DNAJC14: variants seen among roughly 807,000 people sequenced by gnomAD.
DNAJC14 encodes dnaJ homolog subfamily C member 14.
DNAJC14 carries 12 observed loss-of-function variants against 68.8 expected under a neutral mutation model. The observed-to-expected ratio is 0.17, with a 90% CI of 0.11 to 0.28. The LOEUF is 0.28. Ranked by LOEUF, DNAJC14 falls within the 10% of genes least tolerant of loss-of-function variation. The pLI, the probability that DNAJC14 is intolerant of heterozygous loss-of-function variation, is 1.00. For synonymous variants in DNAJC14, 350 were observed against 321.5 expected, an observed-to-expected ratio of 1.09 and a Z score of -0.95; for missense variants, 764 against 875.6, an observed-to-expected ratio of 0.87 and a Z score of 1.61.
At chr12:55,828,773 A>G in intron 1 of DNAJC14, 59 bp from the exon 2 acceptor site, 1 of 1,420,586 alleles carries the variant, frequency 7.0e-7, no homozygotes, top group East Asian at 2.5e-5. Flanking sequence ...GAATTAAACA[A>G]TCTCAAATAG....
chr12:55,822,884 A>T, intron 4 of DNAJC14, 152 bp from the exon 5 acceptor site: 1 of 1,396,844 alleles, frequency 7.2e-7, no homozygotes, highest in Admixed American at 2.3e-5. Context: ...TCCTAAAGCT[A>T]ATGTTTCTTA....
intron 3 of DNAJC14, 81 bp downstream of exon 3, chr12:55,823,321 C>T (rs1249185296): frequency 1.9e-6 from 3 of 1,598,960 alleles, no homozygotes; most frequent in East Asian, 4.5e-5. Context: ...CTCAACAAGC[C>T]TCCACCCCCA....
At chr12:55,825,580 G>A (rs1261218333) in intron 2 of DNAJC14, among the ~76,000 whole-genome samples, 1 of 103,216 alleles carries the variant, frequency 9.7e-6, no homozygotes, top group Non-Finnish European at 1.8e-5. Flanking sequence ...GTCTTGTTCT[G>A]TCGCCCAGGC....
At chr12:55,828,929 TC>T (rs1880884015) in intron 1 of DNAJC14, among the ~76,000 whole-genome samples, 1 of 152,112 alleles carries the variant, frequency 6.6e-6, no homozygotes, top group Non-Finnish European at 1.5e-5. Flanking sequence ...TTTTCTTCTT[TC>T]CCCAGAAAAC....
At chr12:55,829,631 C>T, upstream of DNAJC14, 1 of 983,382 alleles carries the variant, frequency 1.0e-6, no homozygotes, top group Non-Finnish European at 1.2e-6. Context: ...CCTGGGCCTA[C>T]TTCCACTTCC....
chr12:55,826,271 C>CTTTTTTTTTTTTTTT (rs1164806475), intron 2 of DNAJC14, among the ~76,000 whole-genome samples: 1 of 85,798 alleles, frequency 1.2e-5, no homozygotes. Context: ...GGGAAAATAT[C>CTTTTTTTTTTTTTTT]TTTTTTTTTT....
At chr12:55,822,519 G>A (rs761658646) in intron 5 of DNAJC14, 44 bp from the exon 6 acceptor site, 3 of 1,613,812 alleles carry the variant, frequency 1.9e-6, no homozygotes, top group Non-Finnish European at 2.5e-6. Flanking sequence ...GCAGTTTAGA[G>A]CACATAAAAG....
Position 55,829,487 on chromosome 12 carries a change from A to G in DNAJC14, c.-57+2T>C, listed in dbSNP as rs1469342751. 3 of 982,072 alleles carry G rather than the reference A, an allele frequency of 3.1e-6. No individual in the cohort carries two copies. The highest frequency in any genetic ancestry group is 3.6e-6 in the Non-Finnish European group (3 of 829,428). 60.8% of individuals were successfully genotyped at this position (982,072 alleles called of 1,614,324 possible). A position where few individuals can be genotyped will look rare whatever the true frequency, so the allele number is the denominator to read the frequency against. ...CGAAAAAAAAAAAAAAGACGGACGTACCGAAGAACGGCGGTAACTCCTCCC... is the reference window on the plus strand; with the variant it reads ...CGAAAAAAAAAAAAAAGACGGACGTGCCGAAGAACGGCGGTAACTCCTCCC... On this transcript the variant is annotated splice_donor_variant, in intron 1 of 6. Coordinates refer to ENST00000678005, the MANE Select transcript of DNAJC14 (RefSeq NM_032364.6). LOFTEE classifies it low-confidence loss of function (5UTR_SPLICE).
Position 55,828,325 on chromosome 12 carries a change from C to A in DNAJC14, c.334G>T (p.Glu112Ter). The part of the protein sequence containing the change: ...GVDQELSKEN[E>*]TGNQKDGNSF... Reference sequence around the variant, plus strand: ...TTCCCATCCTTCTGGTTCCCAGTCTCGTTTTCTTTTGAGAGTTCCTGGTCC... The same window carrying A: ...TTCCCATCCTTCTGGTTCCCAGTCTAGTTTTCTTTTGAGAGTTCCTGGTCC... The change falls in exon 2 of 7, where the codon GAG (glutamate) becomes TAG (stop). Residue 112 changes from glutamate to a stop codon, truncating the protein, a stop_gained. Coordinates refer to ENST00000678005, the MANE Select transcript of DNAJC14 (RefSeq NM_032364.6). LOFTEE classifies it high-confidence loss of function. The A allele has an allele frequency of 6.2e-7, 1 of 1,613,484 alleles. No homozygotes were observed. The highest frequency in any genetic ancestry group is 8.5e-7 in the Non-Finnish European group (1 of 1,179,846).
Position 55,823,058 on chromosome 12 carries a change from T to C in DNAJC14, c.1634+12A>G, listed in dbSNP as rs746279944. The C allele has an allele frequency of 6.2e-7, 1 of 1,613,340 alleles. No individual in the cohort carries two copies. Among genetic ancestry groups the C allele is most frequent in the Non-Finnish European group, 8.5e-7 (1 of 1,179,986 alleles). ...GCTGTGATTGTCCCATCCCTCTCCT[T>C]CTATTTCATACCTATGCTTTCCTTG... is the stretch of plus-strand genomic sequence containing the variant. On this transcript the variant is annotated intron_variant, in intron 4 of 6. Coordinates refer to ENST00000678005, the MANE Select transcript of DNAJC14 (RefSeq NM_032364.6).
intron 4 of DNAJC14, 123 bp from the exon 5 acceptor site, chr12:55,822,855 A>G: frequency 7.1e-7 from 1 of 1,412,676 alleles, no homozygotes; most frequent in East Asian, 2.3e-5. Context: ...TTAGTATTTC[A>G]TATCCCTTCA....
chr12:55,825,130 CAAAAAAA>C (rs71074860), intron 2 of DNAJC14, among the ~76,000 whole-genome samples: 1 of 65,498 alleles, frequency 1.5e-5, no homozygotes, highest in Non-Finnish European at 3.0e-5. Flanking sequence ...GACCCTGTCT[CAAAAAAA>C]AAAAAAAAAA....
intron 4 of DNAJC14, 51 bp from the exon 5 acceptor site, chr12:55,822,783 G>A: frequency 6.2e-7 from 1 of 1,600,250 alleles, no homozygotes; most frequent in South Asian, 1.1e-5. Flanking sequence ...GCCTACCTAG[G>A]GCACTGCTAG....
chr12:55,829,226 C>T (rs960313681), intron 1 of DNAJC14: 2 of 954,350 alleles, frequency 2.1e-6, no homozygotes, highest in South Asian at 9.6e-5. Context: ...GCCGGCGGAT[C>T]ACGAGGTCAG....
chr12:55,824,912 CTT>C (rs1450673796), intron 2 of DNAJC14, among the ~76,000 whole-genome samples: 2 of 152,080 alleles, frequency 1.3e-5, no homozygotes, highest in Middle Eastern at 3.2e-3. Context: ...AGGCAAATTG[CTT>C]GAGTCCAGGA....
chr12:55,827,801 A>G lies in DNAJC14; in HGVS notation c.858T>C (p.Leu286=), dbSNP rs776664682. 5.6e-6 allele frequency: 9 copies of G among 1,613,830 alleles called. No individual in the cohort carries two copies. Among genetic ancestry groups the G allele is most frequent in the Non-Finnish European group, 6.8e-6 (8 of 1,179,916 alleles). ...TCCACACTCCCATCCAAACTCGAAA[A>G]AGGTCCAAATCACTGCTTTTCAGTT... ...CRQLKSSDLD[L]FRVWMGVWTG... The change falls in exon 2 of 7, where the codon CTT becomes CTC. Residue 286 remains leucine, a synonymous_variant. Coordinates refer to ENST00000678005, the MANE Select transcript of DNAJC14 (RefSeq NM_032364.6).
In DNAJC14 at chr12:55,821,941, A is replaced by C; in HGVS notation, c.*36T>G. ...TCCATCCTGTGCTACAGCCCTTTTG[A>C]CTCCCTGACATTGATTTGAGGAAAG... On this transcript the variant is annotated 3_prime_UTR_variant, in exon 7 of 7. Coordinates refer to ENST00000678005, the MANE Select transcript of DNAJC14 (RefSeq NM_032364.6). 1 of 1,577,062 alleles carries C rather than the reference A, an allele frequency of 6.3e-7. No individual in the cohort carries two copies. The highest frequency in any genetic ancestry group is 8.6e-7 in the Non-Finnish European group (1 of 1,160,724).
At chr12:55,822,865 A>AACGTTCT in intron 4 of DNAJC14, 133 bp from the exon 5 acceptor site, 1 of 1,396,348 alleles carries the variant, frequency 7.2e-7, no homozygotes, top group Non-Finnish European at 9.7e-7. Flanking sequence ...ATATCCCTTC[A>AACGTTCT]ACGTTCTATC....
intron 2 of DNAJC14, among the ~76,000 whole-genome samples, chr12:55,824,230 C>CA (rs2136217699): frequency 6.6e-6 from 1 of 152,200 alleles, no homozygotes; most frequent in South Asian, 2.1e-4. Flanking sequence ...CTCTGGCACA[C>CA]ACATGTATCA....
Sources: allele counts gnomAD v4.1 joint callset (sites outside exome capture counted in the v4.1 genomes callset), GRCh38; gene constraint gnomAD v4.1.1; transcripts MANE v1.5; gene names NCBI Gene and HGNC (gene_info 2026-07-23, HGNC 2026-07-21).